The following HACE1 variants were observed in gnomAD, a reference collection of about 807,000 sequenced individuals.
HACE1 encodes the protein E3 ubiquitin-protein ligase HACE1.
In HACE1, 73 loss-of-function variants were observed where a neutral mutation model predicts 118.4. The observed-to-expected ratio is 0.62, with a 90% CI of 0.51 to 0.75. HACE1 has a LOEUF of 0.75. Among genes scored for constraint, HACE1 ranks in the 30% least tolerant of loss-of-function variants. The pLI, the probability that HACE1 is intolerant of heterozygous loss-of-function variation, is 0.00. For missense variants in HACE1, 749 were observed against 1,102.2 expected, an observed-to-expected ratio of 0.68 and a Z score of 4.54; for synonymous variants, 368 against 374.8, an observed-to-expected ratio of 0.98 and a Z score of 0.21.
rs1156667117 is a variant in HACE1, at chr6:104,791,725, T to G, written c.924-71A>C. 7.0e-6 allele frequency: 7 copies of G among 998,282 alleles called. No individual in the cohort carries two copies. In the Admixed American group the frequency reaches 9.2e-5, roughly 13 times the overall value. The allele number at this position is 998,282 out of a possible 1,614,324, so 61.8% of individuals were successfully genotyped here. A position where few individuals can be genotyped will look rare whatever the true frequency, so the allele number is the denominator to read the frequency against. ...ATATTAAAATACTTATTTTAAAACA[T>G]TTTCATCCCACTGACCATCTGTTTC... is the stretch of plus-strand genomic sequence containing the variant. On this transcript the variant is annotated intron_variant, in intron 10 of 23. Transcript: ENST00000262903.
intron 6 of HACE1, among the ~76,000 whole-genome samples, chr6:104,820,439 G>A (rs1772594550): frequency 6.6e-6 from 1 of 152,036 alleles, no homozygotes; most frequent in African/African-American, 2.4e-5. Context: ...TGCAAACTAT[G>A]CATCTGACAA....
At chr6:104,776,662 A>C (rs975466785) in intron 17 of HACE1, 79 bp downstream of exon 17, 1 of 880,348 alleles carries the variant, frequency 1.1e-6, no homozygotes, top group African/African-American at 1.6e-5. Flanking sequence ...CTGCTGTGGA[A>C]ATCAAAAATA....
chr6:104,847,949 T>G (rs979001361), intron 4 of HACE1, among the ~76,000 whole-genome samples: 4 of 151,910 alleles, frequency 2.6e-5, no homozygotes, highest in Non-Finnish European at 4.4e-5. Context: ...CCTCCCAGGC[T>G]CAAGCAATTT....
At chr6:104,859,531 G>A in intron 1 of HACE1, 36 bp downstream of exon 1, 3 of 1,468,834 alleles carry the variant, frequency 2.0e-6, no homozygotes, top group Non-Finnish European at 2.7e-6. Flanking sequence ...GCCGCCCCCA[G>A]CCCCGCGGCC....
chr6:104,775,642 C>A (rs1582411766), intron 17 of HACE1, among the ~76,000 whole-genome samples: 1 of 152,144 alleles, frequency 6.6e-6, no homozygotes, highest in Non-Finnish European at 1.5e-5. Context: ...CACAAAGACA[C>A]CAAATTCACC....
intron 1 of HACE1, among the ~76,000 whole-genome samples, chr6:104,858,843 GTTATT>G (rs916060591): frequency 5.3e-5 from 8 of 152,088 alleles, no homozygotes; most frequent in African/African-American, 1.9e-4. Flanking sequence ...TTCTCTCCTT[GTTATT>G]AGCAGAGTTT....
At chr6:104,789,672 A>C (rs1030283680) in intron 11 of HACE1, among the ~76,000 whole-genome samples, 1 of 152,158 alleles carries the variant, frequency 6.6e-6, no homozygotes, top group African/African-American at 2.4e-5. Context: ...AACAGGTAGC[A>C]GATCGAAATT....
chr6:104,821,281 C>T (rs182373753), intron 6 of HACE1, among the ~76,000 whole-genome samples: 38 of 152,092 alleles, frequency 2.5e-4, no homozygotes, highest in Non-Finnish European at 2.2e-4. Flanking sequence ...AACAAAGCCC[C>T]GTGACACAAG....
chr6:104,796,860 A>G, intron 8 of HACE1, 69 bp downstream of exon 8: 1 of 1,150,660 alleles, frequency 8.7e-7, no homozygotes, highest in South Asian at 1.2e-5. Context: ...CATTGAAAAA[A>G]TAATAATTTT....
At chr6:104,831,717 C>A (rs180953045) in intron 6 of HACE1, among the ~76,000 whole-genome samples, 5 of 151,892 alleles carry the variant, frequency 3.3e-5, no homozygotes, top group Non-Finnish European at 5.9e-5. Context: ...CGCAGTGAAA[C>A]CCCATCTCTA....
At chr6:104,771,450 G>A in intron 18 of HACE1, 61 bp from the exon 19 acceptor site, 1 of 986,420 alleles carries the variant, frequency 1.0e-6, no homozygotes, top group Non-Finnish European at 1.6e-6. Context: ...TCTATTTAAT[G>A]GTAAAATACT....
chr6:104,752,134 ACCATCT>A (rs1023867545), intron 19 of HACE1, among the ~76,000 whole-genome samples: 11 of 152,124 alleles, frequency 7.2e-5, no homozygotes, highest in Admixed American at 6.6e-4. Context: ...AAGGAAAGCT[ACCATCT>A]CTGCTATTCA....
intron 6 of HACE1, among the ~76,000 whole-genome samples, chr6:104,830,940 G>A (rs189287054): frequency 4.0e-4 from 60 of 151,876 alleles, no homozygotes; most frequent in African/African-American, 1.4e-3. Flanking sequence ...GGACATCCAA[G>A]CAGCATAGTG....
At chr6:104,752,390 T>C (rs1253669572) in intron 19 of HACE1, among the ~76,000 whole-genome samples, 1 of 152,188 alleles carries the variant, frequency 6.6e-6, no homozygotes, top group Non-Finnish European at 1.5e-5. Context: ...AGCACATGAC[T>C]ATATTTCAGT....
At chr6:104,783,950 C>T (rs1782045913) in intron 14 of HACE1, 136 bp downstream of exon 14, 6 of 663,320 alleles carry the variant, frequency 9.0e-6, no homozygotes, top group Non-Finnish European at 1.6e-5. Flanking sequence ...AAACTTACTC[C>T]TCATATTAAA....
intron 6 of HACE1, among the ~76,000 whole-genome samples, chr6:104,832,067 T>C (rs1458294951): frequency 2.6e-5 from 4 of 151,846 alleles, no homozygotes; most frequent in African/African-American, 9.7e-5. Context: ...GAAAGAACTG[T>C]TACTTGTACC....
intron 5 of HACE1, 145 bp from the exon 6 acceptor site, chr6:104,833,318 A>T (rs1331950704): frequency 1.3e-6 from 1 of 752,896 alleles, no homozygotes; most frequent in African/African-American, 1.7e-5. Flanking sequence ...TTAAAACTAA[A>T]GGTATTTTAA....
chr6:104,848,860 T>C (rs920694343), intron 4 of HACE1, among the ~76,000 whole-genome samples: 2 of 152,124 alleles, frequency 1.3e-5, no homozygotes, highest in African/African-American at 4.8e-5. Context: ...CTTCCACATA[T>C]AATATTTTCA....
chr6:104,833,454 T>C (rs1225332725), intron 5 of HACE1, among the ~76,000 whole-genome samples: 1 of 152,144 alleles, frequency 6.6e-6, no homozygotes, highest in Non-Finnish European at 1.5e-5. Flanking sequence ...CAAGTGATCC[T>C]CTTGCCTCAG....
Sources: allele counts gnomAD v4.1 joint callset (sites outside exome capture counted in the v4.1 genomes callset), GRCh38; gene constraint gnomAD v4.1.1; transcripts MANE v1.5; gene names NCBI Gene and HGNC (gene_info 2026-07-23, HGNC 2026-07-21).